PRELID2: variants seen among roughly 807,000 people sequenced by gnomAD.
The protein encoded by PRELID2 is PRELI domain containing 2, also known as PRELI domain-containing protein 2.
A neutral mutation model predicts 28.4 loss-of-function variants in PRELID2; 25 were observed. That is an observed-to-expected ratio of 0.88 (90% CI 0.64 to 1.23). The LOEUF is 1.23. Ranked by LOEUF, PRELID2 falls within the 50% of genes most tolerant of loss-of-function variation. The probability of loss-of-function intolerance (pLI) is 0.00; values close to 1 mark genes in which losing one functional copy is unlikely to be tolerated. For synonymous variants in PRELID2, 76 were observed against 71.6 expected (o/e 1.06, Z -0.31); for missense variants, 201 against 214.4 (o/e 0.94, Z 0.39).
At chr5:145,254,387 T>C in the PRELID2 span, among the ~76,000 whole-genome samples, 2 of 152,090 alleles carry the variant, frequency 1.3e-5, no homozygotes, top group Admixed American at 6.6e-5. Flanking sequence ...AAGCTGCCAG[T>C]GATGATTATT....
At chr5:145,262,847 G>T in the PRELID2 span, among the ~76,000 whole-genome samples, 2 of 151,784 alleles carry the variant, frequency 1.3e-5, no homozygotes, top group African/African-American at 4.8e-5. Flanking sequence ...ATCTCAATAC[G>T]AACATTGAAT....
intron 1 of PRELID2, among the ~76,000 whole-genome samples, chr5:145,700,777 T>C (rs972351): frequency 0.17 from 26,267 of 152,104 alleles, 4,068 homozygotes; most frequent in African/African-American, 0.4. Flanking sequence ...AGCTCACAAA[T>C]ACCAATATCG....
chr5:145,521,028 T>C (rs1056867452), intron 1 of PRELID2, among the ~76,000 whole-genome samples: 15 of 152,080 alleles, frequency 9.9e-5, no homozygotes, highest in Non-Finnish European at 2.1e-4. Flanking sequence ...TTAGCTAATG[T>C]GTATATAGAT....
chr5:145,804,045 T>C (rs1176166489), intron 4 of PRELID2, among the ~76,000 whole-genome samples: 1 of 152,164 alleles, frequency 6.6e-6, no homozygotes, highest in Non-Finnish European at 1.5e-5. Flanking sequence ...TCTGAGCTGT[T>C]CTTCTAACCC....
At chr5:145,310,473 T>C in the PRELID2 span, among the ~76,000 whole-genome samples, 1 of 152,316 alleles carries the variant, frequency 6.6e-6, no homozygotes, top group East Asian at 1.9e-4. Context: ...TATGACTTTT[T>C]AAACCTACTT....
chr5:145,441,057 G>A, the PRELID2 span: 1 of 152,090 alleles, frequency 6.6e-6, no homozygotes, highest in Admixed American at 6.6e-5. Flanking sequence ...TGGGAGTCCA[G>A]GAGAAATCTC....
chr5:145,728,773 C>A, intron 1 of PRELID2: 2 of 1,266,482 alleles, frequency 1.6e-6, no homozygotes, highest in Non-Finnish European at 2.3e-6. Flanking sequence ...TGTTTTGCAC[C>A]AATGTAGTAG....
chr5:145,752,227 T>C (rs1757141970), downstream of PRELID2, among the ~76,000 whole-genome samples: 1 of 152,214 alleles, frequency 6.6e-6, no homozygotes, highest in Non-Finnish European at 1.5e-5. Flanking sequence ...AGCATTTATT[T>C]TTCCAAGAAG....
the PRELID2 span, among the ~76,000 whole-genome samples, chr5:145,241,332 C>G: frequency 6.6e-6 from 1 of 151,962 alleles, no homozygotes; most frequent in Non-Finnish European, 1.5e-5. Flanking sequence ...CCCAAAGGAC[C>G]TAGAGCAGGT....
At chr5:145,232,220 A>C in the PRELID2 span, among the ~76,000 whole-genome samples, 1 of 152,160 alleles carries the variant, frequency 6.6e-6, no homozygotes, top group African/African-American at 2.4e-5. Flanking sequence ...GATGATAATA[A>C]AGTGTATATT....
chr5:145,326,652 T>C, the PRELID2 span, among the ~76,000 whole-genome samples: 1 of 152,098 alleles, frequency 6.6e-6, no homozygotes, highest in Non-Finnish European at 1.5e-5. Context: ...TTCTTGATAG[T>C]GGTATCAAAA....
At chr5:145,398,866 A>G in the PRELID2 span, among the ~76,000 whole-genome samples, 2 of 152,116 alleles carry the variant, frequency 1.3e-5, no homozygotes, top group South Asian at 4.1e-4. Flanking sequence ...TTTCCTCAAG[A>G]GGGGACATTT....
At chr5:145,245,740 C>A in the PRELID2 span, among the ~76,000 whole-genome samples, 1 of 152,022 alleles carries the variant, frequency 6.6e-6, no homozygotes, top group Non-Finnish European at 1.5e-5. Context: ...TAGTTAACAG[C>A]ACAGGTTTTG....
rs1391479545 is a variant in PRELID2, at chr5:145,486,781, C to A, written n.71-13466G>T. 2.0e-5 allele frequency among the ~76,000 whole-genome samples: 3 copies of A among 152,024 alleles called. No individual in the cohort carries two copies. In the South Asian group the frequency reaches 6.2e-4, roughly 32 times the overall value. On this transcript the variant is annotated intron_variant and non_coding_transcript_variant, in intron 1 of 2. Transcript: ENST00000510259. ...TAAGTATATCATGCTGCTATAAAGA[C>A]ACATGCACATGTATGTTTATTGTGG...
At chr5:145,386,679 G>T in the PRELID2 span, among the ~76,000 whole-genome samples, 2 of 152,000 alleles carry the variant, frequency 1.3e-5, no homozygotes, top group African/African-American at 4.8e-5. Flanking sequence ...GTCTTTTGTT[G>T]GCATTATTTG....
chr5:145,446,865 A>G, the PRELID2 span, among the ~76,000 whole-genome samples: 1 of 151,786 alleles, frequency 6.6e-6, no homozygotes, highest in South Asian at 2.1e-4. Context: ...TGGCCAACAT[A>G]GTGAAACCTC....
chr5:145,741,686 T>A lies in PRELID2; in HGVS notation n.70+23245A>T, dbSNP rs1308002417. The stretch of plus-strand genomic sequence containing the variant: ...TTATATATAAATAATTTATAAATAA[T>A]TTATTTATATATAAATAATTTATTT... On this transcript the variant is annotated intron_variant and non_coding_transcript_variant, in intron 1 of 2. Coordinates refer to the PRELID2 transcript ENST00000510259. Among the ~76,000 whole-genome samples the A allele has an allele frequency of 3.1e-3, 21 of 6,742 alleles. 8 individuals carry two copies. The highest frequency in any genetic ancestry group is 4.2e-3 in the Non-Finnish European group (11 of 2,630). The allele number at this position is 6,742 out of a possible 152,430, so 4.4% of individuals were successfully genotyped here.
At chr5:145,463,642 C>G in the PRELID2 span, among the ~76,000 whole-genome samples, 4 of 152,110 alleles carry the variant, frequency 2.6e-5, no homozygotes, top group African/African-American at 7.2e-5. Flanking sequence ...ACTGGTGACC[C>G]ATTCTGGGCA....
At chr5:145,769,749 C>A (rs1308128354) in intron 5 of PRELID2, among the ~76,000 whole-genome samples, 1 of 152,112 alleles carries the variant, frequency 6.6e-6, no homozygotes, top group Non-Finnish European at 1.5e-5. Context: ...AACTGATGCA[C>A]CCACTGTGTG....
Sources: gnomAD v4.1 joint callset for allele counts (sites outside exome capture counted in the v4.1 genomes callset) on GRCh38, gnomAD v4.1.1 for gene constraint, MANE v1.5 for transcripts, NCBI Gene and HGNC (gene_info 2026-07-23, HGNC 2026-07-21) for gene names.